DYSF: variants seen among roughly 807,000 people sequenced by gnomAD.
The protein encoded by DYSF is dystrophy-associated fer-1-like 1.
In DYSF, 212 loss-of-function variants were observed where a neutral mutation model predicts 274.9. The ratio of observed to expected loss-of-function variants is 0.77; its 90% confidence interval spans 0.69 to 0.86. The LOEUF (loss-of-function observed/expected upper bound fraction) is 0.86. DYSF is among the 40% of genes least tolerant of loss of function. The pLI, the probability that DYSF is intolerant of heterozygous loss-of-function variation, is 0.00. For synonymous variants in DYSF, 1,091 were observed against 1,078.7 expected, an observed-to-expected ratio of 1.01 and a Z score of -0.22; for missense variants, 2,666 against 2,783.2, an observed-to-expected ratio of 0.96 and a Z score of 0.95.
chr2:71,641,846 G>A (rs760670811), intron 41 of DYSF, among the ~76,000 whole-genome samples: 1 of 152,008 alleles, frequency 6.6e-6, no homozygotes, highest in Non-Finnish European at 1.5e-5. Flanking sequence ...ATTGCAGTAT[G>A]GTCAGAAAAT....
intron 3 of DYSF, among the ~76,000 whole-genome samples, chr2:71,496,163 A>C (rs1331706112): frequency 6.6e-6 from 1 of 152,078 alleles, no homozygotes; most frequent in Non-Finnish European, 1.5e-5. Context: ...ACCCATCTGA[A>C]AAATAGAATT....
At chr2:71,496,234 T>C (rs951842514) in intron 3 of DYSF, among the ~76,000 whole-genome samples, 3 of 152,196 alleles carry the variant, frequency 2.0e-5, no homozygotes, top group African/African-American at 7.2e-5. Context: ...GGCTTATGCC[T>C]GTAATCCCAG....
At chr2:71,559,551 G>C (rs988852137) in intron 22 of DYSF, among the ~76,000 whole-genome samples, 2 of 152,148 alleles carry the variant, frequency 1.3e-5, no homozygotes, top group Non-Finnish European at 2.9e-5. Flanking sequence ...CCTGCCTCAC[G>C]GAGCCCTAAC....
chr2:71,540,431 CTT>C (rs942599748), intron 17 of DYSF, among the ~76,000 whole-genome samples: 4 of 152,072 alleles, frequency 2.6e-5, no homozygotes, highest in Non-Finnish European at 4.4e-5. Context: ...ATTTTTAAGA[CTT>C]TTGATATTTA....
chr2:71,515,405 G>A (rs538446101), intron 7 of DYSF, among the ~76,000 whole-genome samples: 2 of 152,162 alleles, frequency 1.3e-5, no homozygotes, highest in African/African-American at 4.8e-5. Context: ...GGGGCAGCCT[G>A]GCAGCTCTTC....
rs538528204 is a variant in DYSF, at chr2:71,554,202, T to C, written c.2109+271T>C. On this transcript the variant is annotated intron_variant, in intron 21 of 55. Transcript: ENST00000410020. ...AGCAAGGGAGCAGAAGGAAAACCTA[T>C]GCCACGCAGCAGGGCACGGCCTGGC... Among the ~76,000 whole-genome samples, 54 of 152,310 alleles carry C rather than the reference T, an allele frequency of 3.5e-4. 1 individual carries two copies. The highest frequency in any genetic ancestry group is 3.2e-3 in the Admixed American group (49 of 15,302).
chr2:71,662,799 GTGTC>G (rs578128581), intron 45 of DYSF, among the ~76,000 whole-genome samples: 110 of 150,786 alleles, frequency 7.3e-4, no homozygotes, highest in Non-Finnish European at 1.2e-3. Context: ...TTGTGTCTGT[GTGTC>G]TGTGTGTGGT....
At chr2:71,544,733 C>A (rs1008511681) in intron 17 of DYSF, among the ~76,000 whole-genome samples, 1 of 152,088 alleles carries the variant, frequency 6.6e-6, no homozygotes, top group Non-Finnish European at 1.5e-5. Context: ...ATGTTAACAT[C>A]GTTTTTAAGC....
At chr2:71,527,985 G>A (rs1395955829) in intron 13 of DYSF, among the ~76,000 whole-genome samples, 1 of 152,244 alleles carries the variant, frequency 6.6e-6, no homozygotes, top group Non-Finnish European at 1.5e-5. Flanking sequence ...CCTTTTCTGA[G>A]TACTTACTGC....
At chr2:71,508,573 G>T (rs894861851) in intron 4 of DYSF, among the ~76,000 whole-genome samples, 13 of 152,148 alleles carry the variant, frequency 8.5e-5, no homozygotes, top group Admixed American at 2.0e-4. Context: ...CATTGGTTTT[G>T]TCTGATGTTT....
chr2:71,618,372 C>T (rs374840955), intron 40 of DYSF, among the ~76,000 whole-genome samples: 21 of 2,064 alleles, frequency 0.01, no homozygotes, highest in East Asian at 0.015. Context: ...GTAGAGGTGG[C>T]ATGTGTGGTA....
At chr2:71,472,651 C>T (rs1228486793) in intron 1 of DYSF, among the ~76,000 whole-genome samples, 1 of 152,212 alleles carries the variant, frequency 6.6e-6, no homozygotes, top group East Asian at 1.9e-4. Flanking sequence ...CGTGATCCAC[C>T]CGCCTTGGCC....
intron 17 of DYSF, among the ~76,000 whole-genome samples, chr2:71,540,085 C>T (rs898023095): frequency 6.7e-6 from 1 of 150,124 alleles, no homozygotes; most frequent in African/African-American, 2.5e-5. Flanking sequence ...ATTGGAATTG[C>T]TGTGTGAAAA....
chr2:71,534,326 G>A (rs1005291657), intron 14 of DYSF, among the ~76,000 whole-genome samples: 4 of 152,176 alleles, frequency 2.6e-5, no homozygotes, highest in South Asian at 2.1e-4. Flanking sequence ...TGCTGCCCCC[G>A]TGTGTGGGTA....
At chr2:71,489,093 C>T (rs1051343821) in intron 3 of DYSF, among the ~76,000 whole-genome samples, 3 of 152,196 alleles carry the variant, frequency 2.0e-5, no homozygotes, top group African/African-American at 7.2e-5. Flanking sequence ...TCACTACACT[C>T]CCTGAACCTT....
chr2:71,543,873 C>T (rs1281179364), intron 17 of DYSF, among the ~76,000 whole-genome samples: 5 of 136,150 alleles, frequency 3.7e-5, no homozygotes, highest in Admixed American at 1.5e-4. Context: ...AGAGGGAGAC[C>T]GTGGGGAGAG....
At chr2:71,685,888 G>A (rs955572502) in intron 55 of DYSF, among the ~76,000 whole-genome samples, 3 of 152,186 alleles carry the variant, frequency 2.0e-5, no homozygotes, top group African/African-American at 4.8e-5. Flanking sequence ...CAATCCTGCA[G>A]CAGGCAGGGC....
At chr2:71,623,821 G>A (rs1466746577) in intron 41 of DYSF, among the ~76,000 whole-genome samples, 2 of 150,822 alleles carry the variant, frequency 1.3e-5, no homozygotes, top group African/African-American at 4.9e-5. Flanking sequence ...CTGTAATCCA[G>A]CACTTTGGGA....
chr2:71,660,746 A>C, intron 45 of DYSF, 95 bp downstream of exon 45: 1 of 1,093,870 alleles, frequency 9.1e-7, no homozygotes, highest in East Asian at 2.4e-5. Flanking sequence ...TGAAGTCCGT[A>C]TCTCTTGGAG....
Sources: allele counts gnomAD v4.1 joint callset (sites outside exome capture counted in the v4.1 genomes callset), GRCh38; gene constraint gnomAD v4.1.1; transcripts MANE v1.5; gene names NCBI Gene and HGNC (gene_info 2026-07-23, HGNC 2026-07-21).